The following KIF24 variants were observed in gnomAD, a reference collection of about 807,000 sequenced individuals.
The protein encoded by KIF24 is kinesin family member 24.
KIF24 carries 81 observed loss-of-function variants against 118.9 expected under a neutral mutation model. The observed-to-expected ratio is 0.68, with a 90% CI of 0.57 to 0.82. KIF24 has a LOEUF of 0.82. Among genes scored for constraint, KIF24 ranks in the 40% least tolerant of loss-of-function variants. The pLI, the probability that KIF24 is intolerant of heterozygous loss-of-function variation, is 0.00. For synonymous variants in KIF24, 599 were observed against 610.0 expected (o/e 0.98, Z 0.27); for missense variants, 1,560 against 1,661.6 (o/e 0.94, Z 1.06).
upstream of KIF24, among the ~76,000 whole-genome samples, chr9:34,331,439 A>G (rs1837934162): frequency 6.6e-6 from 1 of 152,214 alleles, no homozygotes; most frequent in Non-Finnish European, 1.5e-5. Context: ...ATCTTGCTCT[A>G]TTAACTTCAA....
chr9:34,328,750 C>G (rs1837764155), intron 1 of KIF24, among the ~76,000 whole-genome samples: 2 of 152,140 alleles, frequency 1.3e-5, no homozygotes, highest in Non-Finnish European at 2.9e-5. Flanking sequence ...AAAAGGGAAG[C>G]GAACGGGCTT....
chr9:34,320,998 C>T (rs191146589), intron 1 of KIF24, among the ~76,000 whole-genome samples: 18 of 152,286 alleles, frequency 1.2e-4, no homozygotes, highest in Admixed American at 7.2e-4. Context: ...AGACCTCCCT[C>T]CATCCTTCTT....
In KIF24 at chr9:34,318,727, C is replaced by A; in HGVS notation, c.-25-7356G>T. ...AGCAGCTGAGCGACGAGGAGGTGCA[C>A]GCCGGCGTGGGCGAGCCGCTGCGTT... On this transcript the variant is annotated intron_variant, in intron 1 of 12. Transcript: ENST00000402558. This position sits in a 1 kb window ranked among gnomAD's most constrained non-coding sequence, Gnocchi z 4.9. 1.3e-6 allele frequency: 2 copies of A among 1,507,002 alleles called. No individual in the cohort carries two copies. 93.4% of individuals were successfully genotyped at this position (1,507,002 alleles called of 1,614,324 possible).
rs1835517070 is a variant in KIF24, at chr9:34,271,756, A to T, written c.1337+53T>A. ...CTGTTGTTGAGAAAACATACTTCAAAGTCACATTAAAGGAAAGGCAGACAA... is the reference window on the plus strand; with the variant it reads ...CTGTTGTTGAGAAAACATACTTCAATGTCACATTAAAGGAAAGGCAGACAA... On this transcript the variant is annotated intron_variant, in intron 7 of 12. Transcript: ENST00000402558. 2.5e-6 allele frequency: 4 copies of T among 1,595,500 alleles called. No individual in the cohort carries two copies. In the Admixed American group the frequency reaches 6.9e-5, roughly 27 times the overall value.
chr9:34,290,429 A>G (rs780085059), intron 4 of KIF24, 40 bp from the exon 5 acceptor site: 2 of 1,261,958 alleles, frequency 1.6e-6, no homozygotes, highest in East Asian at 2.3e-5. Flanking sequence ...GCATATTAAG[A>G]GAAGTATTAG....
chr9:34,296,587 T>C (rs1481587331), intron 4 of KIF24, among the ~76,000 whole-genome samples: 2 of 151,974 alleles, frequency 1.3e-5, no homozygotes, highest in Non-Finnish European at 2.9e-5. Context: ...TATTCACTTA[T>C]CTATCTGATT....
At chr9:34,272,346 C>T (rs965030602) in intron 6 of KIF24, among the ~76,000 whole-genome samples, 1 of 152,168 alleles carries the variant, frequency 6.6e-6, no homozygotes, top group African/African-American at 2.4e-5. Flanking sequence ...CCTGTTCTAC[C>T]AGGATGCAGT....
rs144983593 is a variant in KIF24, at chr9:34,257,926, G to A, written c.1681C>T (p.Arg561Trp). Reference protein sequence around the residue: ...KCCTSVTSRNRTSGNSSPKRI... With the variant: ...KCCTSVTSRNWTSGNSSPKRI... The stretch of plus-strand genomic sequence containing the variant: ...TTTGGAGAGGAGTTTCCAGATGTCC[G>A]ATTTCGACTGGTAACTGAAGTGCAA... Residue 561 changes from arginine (R) to tryptophan (W), a missense_variant, in exon 11 of 13, where the codon CGG (arginine) becomes TGG (tryptophan). This residue lies in a region of KIF24 where 964 missense variants were observed against 988.0 expected (regional missense o/e 0.98). Transcript: ENST00000402558. 37 of 1,613,848 alleles carry A rather than the reference G, an allele frequency of 2.3e-5. 1 individual carries two copies. The South Asian group carries it at 3.7e-4, about 16-fold the overall frequency.
intron 3 of KIF24, among the ~76,000 whole-genome samples, chr9:34,300,373 A>ATT (rs754529903): frequency 5.5e-5 from 8 of 145,192 alleles, no homozygotes; most frequent in African/African-American, 2.0e-4. Flanking sequence ...ATCTGGTGGT[A>ATT]TTTTTTTTTT....
intron 1 of KIF24, among the ~76,000 whole-genome samples, chr9:34,328,710 C>T (rs1395587337): frequency 6.6e-6 from 1 of 152,178 alleles, no homozygotes; most frequent in Non-Finnish European, 1.5e-5. Context: ...CGATGCTTGC[C>T]TTACCTCAAA....
chr9:34,301,450 A>G (rs1005435225), intron 3 of KIF24, among the ~76,000 whole-genome samples: 1 of 152,112 alleles, frequency 6.6e-6, no homozygotes, highest in African/African-American at 2.4e-5. Context: ...GGGTTTCGCT[A>G]TGATAGCCAG....
At chr9:34,309,795 G>C (rs1046835249) in intron 2 of KIF24, among the ~76,000 whole-genome samples, 1 of 151,876 alleles carries the variant, frequency 6.6e-6, no homozygotes, top group African/African-American at 2.4e-5. Context: ...TATTTTTATG[G>C]AGTAAAATAA....
intron 5 of KIF24, among the ~76,000 whole-genome samples, chr9:34,289,686 T>C (rs1180306229): frequency 6.6e-6 from 1 of 152,236 alleles, no homozygotes; most frequent in Non-Finnish European, 1.5e-5. Context: ...GCAAGAGCAA[T>C]AGTTTAAGCC....
chr9:34,277,585 T>G (rs2131720522), intron 6 of KIF24, among the ~76,000 whole-genome samples: 2 of 152,320 alleles, frequency 1.3e-5, no homozygotes, highest in South Asian at 4.1e-4. Context: ...ACTTGGGTTT[T>G]CACTGCATCT....
At chr9:34,324,620 G>A (rs1263370308) in intron 1 of KIF24, among the ~76,000 whole-genome samples, 1 of 152,168 alleles carries the variant, frequency 6.6e-6, no homozygotes, top group South Asian at 2.1e-4. Flanking sequence ...TTTGAAAGCA[G>A]TTATAACAAT....
chr9:34,289,224 C>G (rs1243203585), intron 5 of KIF24, among the ~76,000 whole-genome samples: 1 of 152,136 alleles, frequency 6.6e-6, no homozygotes, highest in Non-Finnish European at 1.5e-5. Context: ...TCCAGTTATG[C>G]TACTCAGTAC....
chr9:34,266,853 C>T (rs1305950813), intron 8 of KIF24, among the ~76,000 whole-genome samples: 1 of 151,942 alleles, frequency 6.6e-6, no homozygotes, highest in Non-Finnish European at 1.5e-5. Context: ...ACCAAAAAGA[C>T]ACAGGAACAT....
intron 9 of KIF24, 109 bp downstream of exon 9, chr9:34,262,992 C>T: frequency 1.3e-6 from 1 of 793,068 alleles, no homozygotes; most frequent in Middle Eastern, 2.3e-4. Flanking sequence ...CCCACTGTGC[C>T]CAGCATCATG....
At chr9:34,289,512 C>T (rs796622695) in intron 5 of KIF24, among the ~76,000 whole-genome samples, 1 of 152,192 alleles carries the variant, frequency 6.6e-6, no homozygotes, top group Non-Finnish European at 1.5e-5. Context: ...CCACCTCCCC[C>T]ATTCCCTCTA....
Sources: allele counts gnomAD v4.1 joint callset (sites outside exome capture counted in the v4.1 genomes callset), GRCh38; gene constraint gnomAD v4.1.1; regional missense constraint gnomAD v4.1.1; non-coding constraint Gnocchi (gnomAD v3.1); transcripts MANE v1.5; gene names NCBI Gene and HGNC (gene_info 2026-07-23, HGNC 2026-07-21).